Variants in CNTNAP2 observed in about 807,000 individuals in gnomAD.
CNTNAP2 encodes the protein contactin associated protein 2, also known as contactin-associated protein-like 2.
CNTNAP2 carries 98 observed loss-of-function variants against 155.2 expected under a neutral mutation model. The ratio of observed to expected loss-of-function variants is 0.63; its 90% confidence interval spans 0.54 to 0.75. CNTNAP2 has a LOEUF of 0.75. Ranked by LOEUF, CNTNAP2 falls within the 30% of genes least tolerant of loss-of-function variation. The probability of loss-of-function intolerance (pLI) is 0.00; values close to 1 mark genes in which losing one functional copy is unlikely to be tolerated. For synonymous variants in CNTNAP2, 651 were observed against 631.2 expected, an observed-to-expected ratio of 1.03 and a Z score of -0.47; for missense variants, 1,727 against 1,688.1, an observed-to-expected ratio of 1.02 and a Z score of -0.40.
chr7:147,042,607 T>G (rs972222547), intron 3 of CNTNAP2, among the ~76,000 whole-genome samples: 2 of 152,144 alleles, frequency 1.3e-5, no homozygotes, highest in Non-Finnish European at 1.5e-5. Context: ...CTTTAAAACA[T>G]CATTATTAAA....
At chr7:146,405,981 C>G (rs1795785038) in intron 1 of CNTNAP2, among the ~76,000 whole-genome samples, 1 of 152,104 alleles carries the variant, frequency 6.6e-6, no homozygotes, top group Admixed American at 6.5e-5. Context: ...TGTGAGGAAC[C>G]ATTGACTGAA....
chr7:147,151,377 A>G lies in CNTNAP2; in HGVS notation c.1348+18868A>G, dbSNP rs554178162. 2.5e-4 allele frequency among the ~76,000 whole-genome samples: 38 copies of G among 152,308 alleles called. No individual in the cohort carries two copies. In the South Asian group the frequency reaches 4.4e-3, roughly 17 times the overall value. Reference sequence around the variant, plus strand: ...ACTCTTTTGTAATGTTAGGCTGTGAAAAAAGTGAGAAATAGGCCGACAAAA... The same window carrying G: ...ACTCTTTTGTAATGTTAGGCTGTGAGAAAAGTGAGAAATAGGCCGACAAAA... On this transcript the variant is annotated intron_variant, in intron 8 of 23. Transcript: ENST00000361727.
chr7:146,646,197 T>C (rs758695323), intron 1 of CNTNAP2, among the ~76,000 whole-genome samples: 13 of 152,172 alleles, frequency 8.5e-5, no homozygotes, highest in Non-Finnish European at 1.5e-4. Context: ...AGAAAAATCC[T>C]CCTTTTAGAA....
At chr7:147,649,941 A>G (rs1055694707) in intron 13 of CNTNAP2, among the ~76,000 whole-genome samples, 7 of 152,202 alleles carry the variant, frequency 4.6e-5, no homozygotes, top group African/African-American at 1.7e-4. Context: ...AAATTTTTAA[A>G]AAGTACTGAC....
At chr7:146,789,598 G>T (rs1420818470) in intron 2 of CNTNAP2, among the ~76,000 whole-genome samples, 1 of 123,650 alleles carries the variant, frequency 8.1e-6, no homozygotes, top group Non-Finnish European at 1.8e-5. Context: ...GGGGTGGCAG[G>T]CAAAAAAAAA....
At position 147,515,321 on chromosome 7, in the gene CNTNAP2, C is replaced by CT. The variant is rs763147267; in HGVS notation, c.1777+29287dup. Among the ~76,000 whole-genome samples the CT allele has an allele frequency of 3.2e-4, 41 of 126,216 alleles. 5 individuals carry two copies. The highest frequency in any genetic ancestry group is 1.9e-3 in the East Asian group (8 of 4,226). The allele number at this position is 126,216 out of a possible 152,430, so 82.8% of individuals were successfully genotyped here. A position where few individuals can be genotyped will look rare whatever the true frequency, so the allele number is the denominator to read the frequency against. Reference sequence around the variant, plus strand: ...ATTTTTCTTCATAGTTCATTATATTCTTTTTTTGTTTGTTTGTTTTGAGAC... The same window carrying CT: ...ATTTTTCTTCATAGTTCATTATATTCTTTTTTTTGTTTGTTTGTTTTGAGAC... On this transcript the variant is annotated intron_variant, in intron 11 of 23. Coordinates refer to ENST00000361727, the MANE Select transcript of CNTNAP2 (RefSeq NM_014141.6).
chr7:146,359,020 G>A (rs927626551), intron 1 of CNTNAP2, among the ~76,000 whole-genome samples: 5 of 152,204 alleles, frequency 3.3e-5, no homozygotes, highest in African/African-American at 1.2e-4. Context: ...TCTCTTTGCT[G>A]TGGTTCATCT....
In CNTNAP2 at chr7:147,059,273, T is replaced by A. The variant is rs148652229; in HGVS notation, c.550+15219T>A. On this transcript the variant is annotated intron_variant, in intron 4 of 23. Coordinates refer to ENST00000361727, the MANE Select transcript of CNTNAP2 (RefSeq NM_014141.6). Reference sequence around the variant, plus strand: ...CGATTGCTTTAGTGGTTGATGCCATTAAATTGGTTTGGAGGATGTTTTATT... The same window carrying A: ...CGATTGCTTTAGTGGTTGATGCCATAAAATTGGTTTGGAGGATGTTTTATT... 2.6e-4 allele frequency among the ~76,000 whole-genome samples: 39 copies of A among 152,276 alleles called. No homozygotes were observed. The East Asian group carries it at 6.4e-3, about 25-fold the overall frequency.
At chr7:146,511,454 A>G (rs1350732114) in intron 1 of CNTNAP2, among the ~76,000 whole-genome samples, 1 of 152,206 alleles carries the variant, frequency 6.6e-6, no homozygotes, top group Non-Finnish European at 1.5e-5. Flanking sequence ...GTTTTGAAGT[A>G]TGTTCCTTCT....
intron 1 of CNTNAP2, among the ~76,000 whole-genome samples, chr7:146,299,885 A>G (rs1800577505): frequency 6.6e-6 from 1 of 152,216 alleles, no homozygotes; most frequent in South Asian, 2.1e-4. Context: ...ATAAGTTCAG[A>G]TATGAAGAAT....
chr7:147,733,491 T>A (rs1303700121), intron 13 of CNTNAP2, among the ~76,000 whole-genome samples: 3 of 152,344 alleles, frequency 2.0e-5, no homozygotes, highest in East Asian at 3.9e-4. Flanking sequence ...TAGGATTGAC[T>A]TGCCAATGTG....
Position 148,168,413 on chromosome 7 carries a change from G to T in CNTNAP2, c.2774-3829G>T, listed in dbSNP as rs555158618. 2.0e-5 allele frequency among the ~76,000 whole-genome samples: 3 copies of T among 152,130 alleles called. No homozygotes were observed. In the East Asian group the frequency reaches 5.8e-4, roughly 29 times the overall value. On this transcript the variant is annotated intron_variant, in intron 17 of 23. Transcript: ENST00000361727. ...AATGATGATTTCCTGTCCTTTCTAG[G>T]GACATGGATGAAGCTGGAAACCATC...
chr7:148,030,680 T>C (rs1375754126), intron 15 of CNTNAP2, among the ~76,000 whole-genome samples: 5 of 151,804 alleles, frequency 3.3e-5, no homozygotes, highest in African/African-American at 4.8e-5. Context: ...TTTTTTTTTT[T>C]TTTTTTGGCA....
At chr7:147,921,513 C>T (rs936877881) in intron 14 of CNTNAP2, among the ~76,000 whole-genome samples, 2 of 152,154 alleles carry the variant, frequency 1.3e-5, no homozygotes, top group African/African-American at 4.8e-5. Flanking sequence ...ATAGACTTTT[C>T]CAAAGTCATT....
intron 12 of CNTNAP2, among the ~76,000 whole-genome samples, chr7:147,628,557 C>T (rs909103145): frequency 1.3e-5 from 2 of 152,046 alleles, no homozygotes; most frequent in South Asian, 2.1e-4. Context: ...AACAATAACA[C>T]AATTAAAACA....
At chr7:147,089,493 C>T (rs939091529) in intron 4 of CNTNAP2, among the ~76,000 whole-genome samples, 4 of 152,222 alleles carry the variant, frequency 2.6e-5, no homozygotes, top group African/African-American at 9.6e-5. Context: ...CTTGATTTAG[C>T]TAATTTATTC....
intron 8 of CNTNAP2, among the ~76,000 whole-genome samples, chr7:147,273,001 T>C (rs1584835677): frequency 6.6e-6 from 1 of 151,414 alleles, no homozygotes; most frequent in Non-Finnish European, 1.5e-5. Flanking sequence ...TGTTTTTAGC[T>C]ATTCTTCTTT....
At chr7:147,732,928 A>C (rs1382389950) in intron 13 of CNTNAP2, among the ~76,000 whole-genome samples, 2 of 152,120 alleles carry the variant, frequency 1.3e-5, no homozygotes, top group East Asian at 3.9e-4. Context: ...TAGATTCTGG[A>C]TATTAACCCT....
intron 21 of CNTNAP2, among the ~76,000 whole-genome samples, chr7:148,370,366 G>A (rs1163529163): frequency 2.0e-5 from 3 of 152,264 alleles, no homozygotes; most frequent in East Asian, 3.9e-4. Context: ...ATCCCTCCAC[G>A]CAGAAAGAGA....
Sources: allele counts gnomAD v4.1 joint callset (sites outside exome capture counted in the v4.1 genomes callset), GRCh38; gene constraint gnomAD v4.1.1; transcripts MANE v1.5; gene names NCBI Gene and HGNC (gene_info 2026-07-23, HGNC 2026-07-21).